The following EVC variants were observed in gnomAD, a reference collection of about 807,000 sequenced individuals.
The protein encoded by EVC is evC complex member EVC.
A neutral mutation model predicts 118.9 loss-of-function variants in EVC; 116 were observed. The observed-to-expected ratio is 0.98, with a 90% CI of 0.84 to 1.14. The LOEUF (loss-of-function observed/expected upper bound fraction) is 1.14. Among genes scored for constraint, EVC ranks in the 50% most tolerant of loss-of-function variants. The probability of loss-of-function intolerance (pLI) is 0.00; values close to 1 mark genes in which losing one functional copy is unlikely to be tolerated. For missense variants in EVC, 1,401 were observed against 1,246.4 expected, an observed-to-expected ratio of 1.12 and a Z score of -1.87; for synonymous variants, 619 against 534.7, an observed-to-expected ratio of 1.16 and a Z score of -2.18.
At chr4:5,735,195 G>A (rs1279287641) in intron 5 of EVC, among the ~76,000 whole-genome samples, 2 of 152,200 alleles carry the variant, frequency 1.3e-5, no homozygotes, top group Non-Finnish European at 2.9e-5. Context: ...CAAAATAAAC[G>A]GTGGCAGGCA....
Position 5,755,377 on chromosome 4 carries a change from C to T in EVC, c.1465-887C>T, listed in dbSNP as rs1264685995. ...GCAGGCAGGGAAGGGTGAATGAGCG[C>T]ATGCGTGCCTGAATGAACCAGGACA... On this transcript the variant is annotated intron_variant, in intron 10 of 20. Transcript: ENST00000264956. This position sits in a 1 kb window ranked among gnomAD's most constrained non-coding sequence, Gnocchi z 4.1. Among the ~76,000 whole-genome samples the T allele has an allele frequency of 6.6e-6, 1 of 152,020 alleles. No individual in the cohort carries two copies. The highest frequency in any genetic ancestry group is 1.5e-5 in the Non-Finnish European group (1 of 68,022).
chr4:5,756,348 G>T lies in EVC; in HGVS notation c.1549G>T (p.Val517Phe). 1 of 1,610,040 alleles carries T rather than the reference G, an allele frequency of 6.2e-7. No homozygotes were observed. The highest frequency in any genetic ancestry group is 2.2e-5 in the East Asian group (1 of 44,804). The change falls in exon 11 of 21, where the codon GTT becomes TTT. Residue 517 changes from valine to phenylalanine, a missense_variant. By Grantham distance (50) the Val-to-Phe change is conservative (BLOSUM62 -1). Transcript: ENST00000264956. The surrounding 1 kb of genome is among the most constrained non-coding windows in gnomAD (Gnocchi z 4.2). ...GAATGTCAGAGCCACCGAGGCTGTG[G>T]TTGCACTCTGCCAGGTACATGGCCT... ...EENVRATEAVVALCQELYFST... is the reference protein window; with the variant it reads ...EENVRATEAVFALCQELYFST...
chr4:5,810,572 T>C, intron 20 of EVC, 122 bp downstream of exon 20: 1 of 778,498 alleles, frequency 1.3e-6, no homozygotes, highest in Non-Finnish European at 2.2e-6. Flanking sequence ...ATGTGAAGGT[T>C]CAAGAAATGA....
At chr4:5,825,638 A>T in the EVC span, 1 of 1,611,744 alleles carries the variant, frequency 6.2e-7, no homozygotes, top group Non-Finnish European at 8.5e-7. The surrounding 1 kb of genome is among the most constrained non-coding windows in gnomAD (Gnocchi z 4.4). Flanking sequence ...ATGCCCCTGG[A>T]AACCCCTTGC....
In EVC at chr4:5,801,984, A is replaced by C. The variant is rs773252806; in HGVS notation, c.2339A>C (p.Tyr780Ser). The C allele has an allele frequency of 2.5e-5, 41 of 1,613,910 alleles. No homozygotes were observed. The highest frequency in any genetic ancestry group is 3.4e-5 in the Non-Finnish European group (40 of 1,180,034). Reference sequence around the variant, plus strand: ...ATGGAGGCGGCAGTGGAGAGCGTCTACGTGACCAGCGCTGGTGTCAGCCGC... The same window carrying C: ...ATGGAGGCGGCAGTGGAGAGCGTCTCCGTGACCAGCGCTGGTGTCAGCCGC... ...TLMEAAVESV[Y>S]VTSAGVSRLV... Residue 780 changes from tyrosine (Y) to serine (S), a missense_variant, in exon 16 of 21, where the codon TAC becomes TCC. Coordinates refer to ENST00000264956, the MANE Select transcript of EVC (RefSeq NM_153717.3).
In EVC at chr4:5,761,451, G is replaced by C. The variant is rs183733156; in HGVS notation, c.1563+5089G>C. Among the ~76,000 whole-genome samples the C allele has an allele frequency of 7.9e-4, 110 of 139,508 alleles. 1 individual carries two copies. Among genetic ancestry groups the C allele is most frequent in the African/African-American group, 2.8e-3 (107 of 37,576 alleles). 91.5% of individuals were successfully genotyped at this position (139,508 alleles called of 152,430 possible). A position where few individuals can be genotyped will look rare whatever the true frequency, so the allele number is the denominator to read the frequency against. On this transcript the variant is annotated intron_variant, in intron 11 of 20. Coordinates refer to ENST00000264956, the MANE Select transcript of EVC (RefSeq NM_153717.3). ...CAGACTTGGCTGTTTTTTCCAAAGA[G>C]GTTCTCAGGAGGTTTAATATTTATA...
intron 7 of EVC, 61 bp downstream of exon 7, chr4:5,745,402 T>G: frequency 1.3e-6 from 2 of 1,569,340 alleles, no homozygotes. Context: ...TTAAATTGGC[T>G]ACATTAGAGA....
intron 3 of EVC, among the ~76,000 whole-genome samples, chr4:5,729,813 T>A (rs1034766529): frequency 6.6e-6 from 1 of 152,172 alleles, no homozygotes; most frequent in African/African-American, 2.4e-5. Flanking sequence ...AACTTGGTGT[T>A]ATGCCTATCA....
rs759718572 is a variant in EVC, at chr4:5,745,335, C to G, written c.933C>G (p.Ile311Met). 1 of 1,613,778 alleles carries G rather than the reference C, an allele frequency of 6.2e-7. No homozygotes were observed. Among genetic ancestry groups the G allele is most frequent in the South Asian group, 1.1e-5 (1 of 91,060 alleles). ...KKEREYSEQL[I>M]DNMEAFWKQM... ...AGAGAGAATACTCTGAACAGCTAAT[C>G]GATAATGTGCGTGCCAGACTTTCTT... Residue 311 changes from isoleucine to methionine, a missense_variant, in exon 7 of 21, where the codon ATC (isoleucine) becomes ATG (methionine). Ile to Met is a conservative substitution (Grantham distance 10). Coordinates refer to ENST00000264956, the MANE Select transcript of EVC (RefSeq NM_153717.3).
chr4:5,721,320 TGGCCATAAAATAAAATGAAG>T (rs1404444483), intron 2 of EVC, among the ~76,000 whole-genome samples: 68 of 152,238 alleles, frequency 4.5e-4, no homozygotes, highest in African/African-American at 1.4e-3. Flanking sequence ...GAAGGTTATT[TGGCCATAAAATAAAATGAAG>T]GGCCGATGGG....
At chr4:5,760,229 C>T (rs1731800673) in intron 11 of EVC, among the ~76,000 whole-genome samples, 1 of 151,994 alleles carries the variant, frequency 6.6e-6, no homozygotes, top group Non-Finnish European at 1.5e-5. Context: ...ACGGAAGTTC[C>T]TGGCCAGCCC....
the EVC span, among the ~76,000 whole-genome samples, chr4:5,822,449 C>T: frequency 1.3e-5 from 2 of 151,260 alleles, no homozygotes; most frequent in African/African-American, 2.4e-5. Flanking sequence ...ATGTGAACTC[C>T]GCAAGCTGGA....
intron 12 of EVC, among the ~76,000 whole-genome samples, chr4:5,786,142 A>C (rs1054247954): frequency 1.1e-4 from 16 of 152,374 alleles, no homozygotes; most frequent in Admixed American, 9.1e-4. Context: ...CTTGCTAAAA[A>C]TGCCTCAGAA....
chr4:5,798,484 AC>A lies in EVC; in HGVS notation c.2098-98del. The stretch of plus-strand genomic sequence containing the variant: ...CTGCCCTTTCTCCATCCCTTTTCCA[AC>A]CCCTGGGCCCTGGATAGGACCAGCC... On this transcript the variant is annotated intron_variant, in intron 14 of 20. Transcript: ENST00000264956. The surrounding 1 kb of genome is among the most constrained non-coding windows in gnomAD (Gnocchi z 4.1). The A allele has an allele frequency of 2.4e-6, 3 of 1,239,616 alleles. No individual in the cohort carries two copies. In the South Asian group the frequency reaches 3.9e-5, roughly 16 times the overall value. The allele number at this position is 1,239,616 out of a possible 1,614,324, so 76.8% of individuals were successfully genotyped here. A position where few individuals can be genotyped will look rare whatever the true frequency, so the allele number is the denominator to read the frequency against.
chr4:5,808,132 T>TGCCAGG, intron 17 of EVC, 69 bp from the exon 18 acceptor site: 3 of 464,748 alleles, frequency 6.5e-6, no homozygotes, highest in East Asian at 4.1e-5. Context: ...GCCTTCCTTC[T>TGCCAGG]CCCTCCCTCC....
intron 11 of EVC, among the ~76,000 whole-genome samples, chr4:5,775,293 A>G (rs1038558188): frequency 6.6e-6 from 1 of 152,156 alleles, no homozygotes; most frequent in African/African-American, 2.4e-5. Flanking sequence ...TTACAAATTA[A>G]CAAATGATTA....
intron 2 of EVC, among the ~76,000 whole-genome samples, chr4:5,720,278 G>A (rs559032308): frequency 2.6e-5 from 4 of 152,288 alleles, no homozygotes; most frequent in South Asian, 2.1e-4. Context: ...CAACACTCAC[G>A]TGAATGATCT....
Position 5,789,789 on chromosome 4 carries a change from G to A in EVC, c.1777-3819G>A, listed in dbSNP as rs973813810. 1.3e-5 allele frequency among the ~76,000 whole-genome samples: 2 copies of A among 152,120 alleles called. No individual in the cohort carries two copies. Among genetic ancestry groups the A allele is most frequent in the South Asian group, 2.1e-4 (1 of 4,826 alleles). ...CTGGTCCAGAGATCTTGACCTTATCGATCATCATCGAATCCTGTTGCTAGT... is the reference window on the plus strand; with the variant it reads ...CTGGTCCAGAGATCTTGACCTTATCAATCATCATCGAATCCTGTTGCTAGT... On this transcript the variant is annotated intron_variant, in intron 12 of 20. Transcript: ENST00000264956. The surrounding 1 kb of genome is among the most constrained non-coding windows in gnomAD (Gnocchi z 4.3).
chr4:5,793,754 C>T, intron 13 of EVC, 37 bp downstream of exon 13: 1 of 1,467,454 alleles, frequency 6.8e-7, no homozygotes, highest in Non-Finnish European at 9.3e-7. Context: ...GGCTTTGTGT[C>T]CTGCATGATG....
Sources: allele counts gnomAD v4.1 joint callset (sites outside exome capture counted in the v4.1 genomes callset), GRCh38; gene constraint gnomAD v4.1.1; non-coding constraint Gnocchi (gnomAD v3.1); transcripts MANE v1.5; gene names NCBI Gene and HGNC (gene_info 2026-07-23, HGNC 2026-07-21).